Variants in ZNF160 observed in about 807,000 individuals in gnomAD.
ZNF160 encodes the protein KRAB zinc finger protein KR18.
In ZNF160, 9 loss-of-function variants were observed where a neutral mutation model predicts 13.1. The ratio of observed to expected loss-of-function variants is 0.69; its 90% CI spans 0.41 to 1.20. ZNF160 has a LOEUF of 1.20. Among genes scored for constraint, ZNF160 ranks in the 50% most tolerant of loss-of-function variants. ZNF160 has a pLI of 0.01. For synonymous variants in ZNF160, 293 were observed against 333.2 expected (o/e 0.88, Z 1.31); for missense variants, 838 against 988.0 (o/e 0.85, Z 2.04).
At chr19:53,084,054 C>T (rs931386606) in intron 3 of ZNF160, among the ~76,000 whole-genome samples, 9 of 152,142 alleles carry the variant, frequency 5.9e-5, no homozygotes, top group Non-Finnish European at 8.8e-5. Context: ...CTATGTGCTT[C>T]GAGCTCCAGA....
intron 1 of ZNF160, among the ~76,000 whole-genome samples, chr19:53,093,077 G>T (rs1396548746): frequency 6.6e-6 from 1 of 152,186 alleles, no homozygotes; most frequent in Non-Finnish European, 1.5e-5. Context: ...TTTTGTATAT[G>T]CAGAGTTTAA....
chr19:53,070,113 A>T lies in ZNF160; in HGVS notation c.421T>A (p.Phe141Ile). The T allele has an allele frequency of 6.2e-7, 1 of 1,614,052 alleles. No individual in the cohort carries two copies. Among genetic ancestry groups the T allele is most frequent in the South Asian group, 1.1e-5 (1 of 91,074 alleles). The change falls in exon 6 of 6, where the codon TTT (phenylalanine) becomes ATT (isoleucine). Residue 141 changes from phenylalanine (F) to isoleucine (I), a missense_variant. Coordinates refer to ENST00000683776, the MANE Select transcript of ZNF160 (RefSeq NM_001322131.2). ...GTGTCATCTCTCCATTGACACTCAA[A>T]ATCATGCACATTTTTCTGGGGTTCC... is the stretch of plus-strand genomic sequence containing the variant. ...FKEPQKNVHD[F>I]ECQWRDDTGN...
intron 1 of ZNF160, among the ~76,000 whole-genome samples, chr19:53,100,713 T>C (rs1472553823): frequency 6.8e-6 from 1 of 146,784 alleles, no homozygotes; most frequent in Non-Finnish European, 1.5e-5. Flanking sequence ...TTCCTACTGA[T>C]GGCCGGCGTA....
chr19:53,079,861 G>T (rs1036031890), intron 3 of ZNF160, among the ~76,000 whole-genome samples: 5 of 152,182 alleles, frequency 3.3e-5, no homozygotes, highest in African/African-American at 9.6e-5. Context: ...CAAGGTGAGA[G>T]GGTAGTTTGA....
chr19:53,099,793 G>A (rs953330138), intron 1 of ZNF160, among the ~76,000 whole-genome samples: 2 of 152,164 alleles, frequency 1.3e-5, no homozygotes, highest in Non-Finnish European at 2.9e-5. Context: ...TATTGACTGA[G>A]TCCCTCACCT....
chr19:53,078,799 C>A lies in ZNF160; in HGVS notation c.16-3616G>T, dbSNP rs200826913. ...GTAGTAAGGCAACTGGAGCAGCAAT[C>A]AAAAAAAAAAAAAATCCTAGAACAA... is the stretch of plus-strand genomic sequence containing the variant. On this transcript the variant is annotated intron_variant, in intron 3 of 5. Coordinates refer to ENST00000683776, the MANE Select transcript of ZNF160 (RefSeq NM_001322131.2). Among the ~76,000 whole-genome samples the A allele has an allele frequency of 4.6e-3, 654 of 141,206 alleles. 3 individuals are homozygous for A. Among genetic ancestry groups the A allele is most frequent in the Non-Finnish European group, 6.5e-3 (420 of 64,830 alleles). The allele number at this position is 141,206 out of a possible 152,430, so 92.6% of individuals were successfully genotyped here. A position where few individuals can be genotyped will look rare whatever the true frequency, so the allele number is the denominator to read the frequency against.
chr19:53,079,548 C>CT (rs2084541071), intron 3 of ZNF160, among the ~76,000 whole-genome samples: 1 of 32,352 alleles, frequency 3.1e-5, no homozygotes, highest in East Asian at 6.0e-4. Context: ...AAAACTCCAT[C>CT]TAAAAAAAAA....
chr19:53,095,849 T>C (rs1361260015), intron 1 of ZNF160: 3 of 152,122 alleles, frequency 2.0e-5, no homozygotes, highest in South Asian at 2.1e-4. Flanking sequence ...TAAATAATAA[T>C]AGCAACATTA....
At position 53,068,047 on chromosome 19, in the gene ZNF160, A is replaced by C; in HGVS notation, c.*30T>G. Reference sequence around the variant, plus strand: ...GAATGAAATTAACTGATGTGAAAGGAGTGAATTGTACCTAATGACCTCACC... The same window carrying C: ...GAATGAAATTAACTGATGTGAAAGGCGTGAATTGTACCTAATGACCTCACC... On this transcript the variant is annotated 3_prime_UTR_variant, in exon 6 of 6. Transcript: ENST00000683776. 1.3e-6 allele frequency: 2 copies of C among 1,554,904 alleles called. No homozygotes were observed. The highest frequency in any genetic ancestry group is 1.7e-6 in the Non-Finnish European group (2 of 1,150,720).
Position 53,068,113 on chromosome 19 carries a change from A to AT in ZNF160, c.2420dup (p.His807GlnfsTer29). 1.2e-6 allele frequency: 2 copies of AT among 1,612,700 alleles called. No homozygotes were observed. Among genetic ancestry groups the AT allele is most frequent in the Non-Finnish European group, 1.7e-6 (2 of 1,179,176 alleles). ...GTTTCTCTCCGGTATGCATTCTGTG[A>AT]TGACTTGCAAGATTTGAACTCTGCC... On this transcript the variant is annotated frameshift_variant, in exon 6 of 6. Transcript: ENST00000683776. LOFTEE classifies it low-confidence loss of function (END_TRUNC).
chr19:53,078,363 T>C (rs2084490011), intron 3 of ZNF160, among the ~76,000 whole-genome samples: 1 of 151,982 alleles, frequency 6.6e-6, no homozygotes, highest in African/African-American at 2.4e-5. Context: ...TAAGCTATGA[T>C]CATGCCACCA....
chr19:53,088,399 C>T (rs767048961), intron 2 of ZNF160, among the ~76,000 whole-genome samples: 5 of 151,760 alleles, frequency 3.3e-5, no homozygotes, highest in Non-Finnish European at 7.4e-5. Context: ...AAAGTGGCCG[C>T]ACACGGCTCA....
rs1202562735 is a variant in ZNF160, at chr19:53,068,011, G to A, written c.*66C>T. On this transcript the variant is annotated 3_prime_UTR_variant, in exon 6 of 6. Coordinates refer to ENST00000683776, the MANE Select transcript of ZNF160 (RefSeq NM_001322131.2). The stretch of plus-strand genomic sequence containing the variant: ...TGGCCACTGTCACTACATTTGTAAG[G>A]ATTCTGTCAAGAATGAAATTAACTG... 1 of 1,528,722 alleles carries A rather than the reference G, an allele frequency of 6.5e-7. No individual in the cohort carries two copies. The highest frequency in any genetic ancestry group is 1.4e-5 in the African/African-American group (1 of 72,448). The allele number at this position is 1,528,722 out of a possible 1,614,324, so 94.7% of individuals were successfully genotyped here. A position where few individuals can be genotyped will look rare whatever the true frequency, so the allele number is the denominator to read the frequency against.
In ZNF160 at chr19:53,075,124, C is replaced by T; in HGVS notation, c.75G>A (p.Leu25=). The T allele has an allele frequency of 1.2e-6, 2 of 1,614,182 alleles. No homozygotes were observed. The highest frequency in any genetic ancestry group is 1.7e-6 in the Non-Finnish European group (2 of 1,180,028). ...IEFSQEEWKC[L]DPAQRILYRD... is the part of the protein sequence containing the mutation. ...TGTATAAGATCCTCTGAGCAGGGTC[C>T]AGGCATTTCCACTCCTCCTGAGAGA... The change falls in exon 4 of 6, where the codon CTG becomes CTA. Residue 25 remains leucine (L), a synonymous_variant. Transcript: ENST00000683776.
intron 1 of ZNF160, among the ~76,000 whole-genome samples, chr19:53,101,892 T>G (rs1370673309): frequency 6.6e-6 from 1 of 151,004 alleles, no homozygotes; most frequent in Non-Finnish European, 1.5e-5. Context: ...GATTACAATT[T>G]AAATGTAACA....
In ZNF160 at chr19:53,070,087, T is replaced by C. The variant is rs1447889741; in HGVS notation, c.447A>G (p.Thr149=). 3.7e-6 allele frequency: 6 copies of C among 1,614,052 alleles called. No homozygotes were observed. Among genetic ancestry groups the C allele is most frequent in the Admixed American group, 1.7e-5 (1 of 60,004 alleles). Residue 149 remains threonine, a synonymous_variant, in exon 6 of 6, where the codon ACA becomes ACG. Transcript: ENST00000683776. ...HDFECQWRDD[T]GNYKGVLMAQ... ...CCATAAGCACTCCCTTGTAATTTCC[T>C]GTGTCATCTCTCCATTGACACTCAA...
intron 3 of ZNF160, among the ~76,000 whole-genome samples, chr19:53,078,322 A>T (rs2084487416): frequency 6.6e-6 from 1 of 152,130 alleles, no homozygotes; most frequent in Admixed American, 6.6e-5. Context: ...AGGTAGGAGG[A>T]TCATTTGAGC....
chr19:53,090,629 G>A (rs532957717), intron 2 of ZNF160, among the ~76,000 whole-genome samples: 81 of 152,294 alleles, frequency 5.3e-4, no homozygotes, highest in African/African-American at 1.9e-3. Context: ...CTCCTTCAAC[G>A]CTGGGTCAGA....
intron 3 of ZNF160, chr19:53,085,824 T>C (rs1365565516): frequency 2.0e-6 from 1 of 487,810 alleles, no homozygotes; most frequent in Non-Finnish European, 3.6e-6. Context: ...CGGCTTCAAA[T>C]GCAGTTACCA....
Sources: gnomAD v4.1 joint callset for allele counts (sites outside exome capture counted in the v4.1 genomes callset) on GRCh38, gnomAD v4.1.1 for gene constraint, MANE v1.5 for transcripts, NCBI Gene and HGNC (gene_info 2026-07-23, HGNC 2026-07-21) for gene names.